MTRR: variants seen among roughly 807,000 people sequenced by gnomAD.
The protein encoded by MTRR is 5-methyltetrahydrofolate-homocysteine methyltransferase reductase.
A neutral mutation model predicts 79.2 loss-of-function variants in MTRR; 63 were observed. The ratio of observed to expected loss-of-function variants is 0.80; its 90% CI spans 0.65 to 0.98. The LOEUF (loss-of-function observed/expected upper bound fraction) is 0.98, where lower values mean the gene tolerates loss of function less well. Among genes scored for constraint, MTRR ranks in the 50% least tolerant of loss-of-function variants. MTRR has a pLI of 0.00. For synonymous variants in MTRR, 355 were observed against 313.3 expected (o/e 1.13, Z -1.41); for missense variants, 895 against 839.6 (o/e 1.07, Z -0.82).
At chr5:7,897,774 A>G (rs370569066) in intron 14 of MTRR, among the ~76,000 whole-genome samples, 1 of 152,226 alleles carries the variant, frequency 6.6e-6, no homozygotes, top group Admixed American at 6.5e-5. Context: ...CATAATTGCC[A>G]TAGAAAAATT....
At chr5:7,862,607 G>A (rs944938683) in intron 2 of MTRR, among the ~76,000 whole-genome samples, 1 of 151,976 alleles carries the variant, frequency 6.6e-6, no homozygotes, top group African/African-American at 2.4e-5. Flanking sequence ...TAAATATTCT[G>A]CCCAGGATAT....
chr5:7,885,549 A>T, intron 6 of MTRR, 152 bp from the exon 7 acceptor site: 1 of 819,138 alleles, frequency 1.2e-6, no homozygotes, highest in Non-Finnish European at 1.9e-6. Flanking sequence ...CTTATTTTTT[A>T]AAACAATTGT....
chr5:7,867,316 A>G (rs1276486807), upstream of MTRR: 21 of 1,613,792 alleles, frequency 1.3e-5, no homozygotes, highest in Admixed American at 5.0e-5. Context: ...AAAGGGCCAC[A>G]ATATCCTCCG....
intron 4 of MTRR, among the ~76,000 whole-genome samples, chr5:7,877,489 G>A (rs1392612232): frequency 1.7e-5 from 2 of 116,078 alleles, no homozygotes; most frequent in African/African-American, 7.0e-5. Context: ...CAGTAGATCA[G>A]TAAATTGGCT....
chr5:7,891,964 C>T (rs903739018), intron 10 of MTRR, among the ~76,000 whole-genome samples: 19 of 152,080 alleles, frequency 1.2e-4, no homozygotes, highest in African/African-American at 4.6e-4. Flanking sequence ...ATGGCGTGAA[C>T]CCGGGAGGCG....
At chr5:7,857,236 C>A (rs1163821920) in intron 1 of MTRR, among the ~76,000 whole-genome samples, 1 of 152,108 alleles carries the variant, frequency 6.6e-6, no homozygotes, top group Non-Finnish European at 1.5e-5. Context: ...CAAGAGCCAT[C>A]ATATTGAATA....
Position 7,861,332 on chromosome 5 carries a change from G to C in MTRR, n.392-619G>C. ...TCCAAAATATTTATTATATATTTTA[G>C]TTGCCAAAGTTTATTTGGGATTTGG... On this transcript the variant is annotated intron_variant and non_coding_transcript_variant, in intron 1 of 3. Transcript: ENST00000502509. 4 of 884,250 alleles carry C rather than the reference G, an allele frequency of 4.5e-6. No individual in the cohort carries two copies. In the South Asian group the frequency reaches 1.1e-4, roughly 24 times the overall value. The allele number at this position is 884,250 out of a possible 1,614,324, so 54.8% of individuals were successfully genotyped here. A position where few individuals can be genotyped will look rare whatever the true frequency, so the allele number is the denominator to read the frequency against.
chr5:7,897,267 A>G lies in MTRR; in HGVS notation c.1952+20A>G, dbSNP rs1738698516. The G allele has an allele frequency of 2.5e-6, 4 of 1,613,624 alleles. No individual in the cohort carries two copies. Among genetic ancestry groups the G allele is most frequent in the East Asian group, 2.2e-5 (1 of 44,874 alleles). Reference sequence around the variant, plus strand: ...GTGTGGGTGAGTCATTATCGTGCCTAAGTCGGGTAGGAGAGGGCCATCAGT... The same window carrying G: ...GTGTGGGTGAGTCATTATCGTGCCTGAGTCGGGTAGGAGAGGGCCATCAGT... On this transcript the variant is annotated intron_variant, in intron 14 of 14. Coordinates refer to ENST00000440940, the MANE Select transcript of MTRR (RefSeq NM_002454.3).
chr5:7,871,578 G>A (rs1425955144), intron 2 of MTRR, among the ~76,000 whole-genome samples: 2 of 152,196 alleles, frequency 1.3e-5, no homozygotes, highest in African/African-American at 4.8e-5. Flanking sequence ...TTTGCCAGCC[G>A]CTAAGCAGTT....
chr5:7,854,471 A>G (rs985248668), intron 1 of MTRR, among the ~76,000 whole-genome samples: 4 of 152,166 alleles, frequency 2.6e-5, no homozygotes, highest in Non-Finnish European at 5.9e-5. Context: ...CAAGACTGGG[A>G]TGAAAAGAGG....
chr5:7,875,421 G>A (rs779651629), intron 4 of MTRR, 46 bp downstream of exon 4: 7 of 1,404,840 alleles, frequency 5.0e-6, no homozygotes, highest in Non-Finnish European at 7.1e-6. Context: ...CTCTATACAT[G>A]ATGGAAGTTG....
rs766927577 is a variant in MTRR, at chr5:7,896,951, A to G, written c.1764A>G (p.Leu588=). ...FGCRHKDRDY[L]FRKELRHFLK... is the part of the protein sequence containing the mutation. ...GCAGGCATAAGGATAGGGATTATCT[A>G]TTCAGGTATTGTACAATTCCAGTAT... Residue 588 remains leucine (L), a synonymous_variant, in exon 13 of 15, where the codon CTA becomes CTG. Coordinates refer to ENST00000440940, the MANE Select transcript of MTRR (RefSeq NM_002454.3). The G allele has an allele frequency of 6.2e-6, 10 of 1,613,890 alleles. No homozygotes were observed. The highest frequency in any genetic ancestry group is 2.7e-5 in the African/African-American group (2 of 74,916).
At chr5:7,868,423 A>AT (rs1369539564), upstream of MTRR, among the ~76,000 whole-genome samples, 3 of 152,226 alleles carry the variant, frequency 2.0e-5, no homozygotes, top group African/African-American at 7.2e-5. Context: ...TGCCCAGTTT[A>AT]TGCAGGTGGT....
At chr5:7,879,442 G>A (rs559020184) in intron 5 of MTRR, among the ~76,000 whole-genome samples, 3 of 125,364 alleles carry the variant, frequency 2.4e-5, no homozygotes, top group African/African-American at 6.2e-5. Context: ...CAGCCTGAGC[G>A]ACAGAGTAAG....
chr5:7,879,905 G>T (rs530413158), intron 5 of MTRR, among the ~76,000 whole-genome samples: 1 of 152,204 alleles, frequency 6.6e-6, no homozygotes, highest in Non-Finnish European at 1.5e-5. Flanking sequence ...TGGGCCCCAC[G>T]CAAAGCTGGT....
At chr5:7,855,533 G>A (rs1202454058) in intron 1 of MTRR, among the ~76,000 whole-genome samples, 1 of 151,770 alleles carries the variant, frequency 6.6e-6, no homozygotes, top group Non-Finnish European at 1.5e-5. Flanking sequence ...TTAGAGATGG[G>A]GTTTTGCTCT....
chr5:7,883,630 T>C (rs576692775), intron 6 of MTRR, among the ~76,000 whole-genome samples: 14 of 152,334 alleles, frequency 9.2e-5, no homozygotes, highest in African/African-American at 3.1e-4. Context: ...CTCAGAAGAA[T>C]GAGAGGTCTC....
At chr5:7,857,308 A>C (rs1371512083) in intron 1 of MTRR, among the ~76,000 whole-genome samples, 1 of 152,210 alleles carries the variant, frequency 6.6e-6, no homozygotes, top group African/African-American at 2.4e-5. Context: ...ATACCAATGA[A>C]TTCATCAGCA....
intron 1 of MTRR, among the ~76,000 whole-genome samples, chr5:7,857,159 C>T (rs538616238): frequency 2.0e-5 from 3 of 152,126 alleles, no homozygotes; most frequent in Admixed American, 2.0e-4. Context: ...TCTTGCTTTG[C>T]TTTACTTTTG....
Sources: allele counts gnomAD v4.1 joint callset (sites outside exome capture counted in the v4.1 genomes callset), GRCh38; gene constraint gnomAD v4.1.1; transcripts MANE v1.5; gene names NCBI Gene and HGNC (gene_info 2026-07-23, HGNC 2026-07-21).